The following ANO10 variants were observed in gnomAD, a reference collection of about 807,000 sequenced individuals.
ANO10 encodes the protein anoctamin 10.
In ANO10, 77 loss-of-function variants were observed where a neutral mutation model predicts 74.7. The ratio of observed to expected loss-of-function variants is 1.03; its 90% CI spans 0.86 to 1.25. ANO10 has a LOEUF of 1.25. Among genes scored for constraint, ANO10 ranks in the 50% most tolerant of loss-of-function variants. ANO10 has a pLI of 0.00. For synonymous variants in ANO10, 279 were observed against 284.9 expected (o/e 0.98, Z 0.21); for missense variants, 721 against 778.1 (o/e 0.93, Z 0.87).
intron 12 of ANO10, among the ~76,000 whole-genome samples, chr3:43,411,029 G>C (rs1227241093): frequency 1.3e-5 from 2 of 151,958 alleles, no homozygotes; most frequent in African/African-American, 4.8e-5. Flanking sequence ...AGAATGATAA[G>C]GTCCTTCCGC....
At chr3:43,433,292 G>A (rs562509884) in intron 11 of ANO10, among the ~76,000 whole-genome samples, 128 of 152,040 alleles carry the variant, frequency 8.4e-4, no homozygotes, top group Non-Finnish European at 1.6e-3. Flanking sequence ...AACTGATACC[G>A]TAAGGGTACC....
intron 4 of ANO10, among the ~76,000 whole-genome samples, chr3:43,593,232 A>G (rs1048212698): frequency 1.3e-5 from 2 of 152,246 alleles, no homozygotes; most frequent in Non-Finnish European, 2.9e-5. Flanking sequence ...AGGCAGGCCA[A>G]CATTCAAATA....
chr3:43,690,910 T>C lies in ANO10; in HGVS notation c.-12+607A>G, dbSNP rs887001013. 2.8e-6 allele frequency: 4 copies of C among 1,446,084 alleles called. No homozygotes were observed. The African/African-American group carries it at 4.4e-5, about 16-fold the overall frequency. 89.6% of individuals were successfully genotyped at this position (1,446,084 alleles called of 1,614,324 possible). A position where few individuals can be genotyped will look rare whatever the true frequency, so the allele number is the denominator to read the frequency against. On this transcript the variant is annotated intron_variant, in intron 1 of 3. Transcript: ENST00000413397. Reference sequence around the variant, plus strand: ...CATGCGCTGGCGGCCTGCGCCGCCTTAAGTGCCGCGCCAGCCCGGGGCGGC... The same window carrying C: ...CATGCGCTGGCGGCCTGCGCCGCCTCAAGTGCCGCGCCAGCCCGGGGCGGC...
chr3:43,404,420 A>G (rs2092538426), intron 12 of ANO10, among the ~76,000 whole-genome samples: 1 of 152,188 alleles, frequency 6.6e-6, no homozygotes, highest in African/African-American at 2.4e-5. Context: ...TCAGCCTCTG[A>G]TAAGACCAAA....
chr3:43,455,559 A>C (rs1185999196), intron 11 of ANO10, among the ~76,000 whole-genome samples: 2 of 152,056 alleles, frequency 1.3e-5, no homozygotes, highest in African/African-American at 4.8e-5. Flanking sequence ...AGGTACTGTA[A>C]ATCAACTAGT....
At chr3:43,657,265 T>C (rs1269656536) in intron 1 of ANO10, among the ~76,000 whole-genome samples, 1 of 152,216 alleles carries the variant, frequency 6.6e-6, no homozygotes, top group Non-Finnish European at 1.5e-5. Context: ...AACAACCTAC[T>C]AGTCTGAAGA....
At chr3:43,538,443 A>C (rs1440427761) in intron 11 of ANO10, among the ~76,000 whole-genome samples, 1 of 152,060 alleles carries the variant, frequency 6.6e-6, no homozygotes, top group African/African-American at 2.4e-5. Flanking sequence ...GAAATTCAGA[A>C]AAAATTTTTA....
At chr3:43,576,617 G>A (rs2081005628) in intron 6 of ANO10, 75 bp downstream of exon 6, 3 of 1,466,494 alleles carry the variant, frequency 2.0e-6, no homozygotes, top group African/African-American at 2.8e-5. Context: ...CAAGGTAGCA[G>A]CTATGTGAAT....
chr3:43,411,162 C>T (rs1274162452), intron 12 of ANO10, among the ~76,000 whole-genome samples: 1 of 150,678 alleles, frequency 6.6e-6, no homozygotes, highest in Non-Finnish European at 1.5e-5. Flanking sequence ...TGTAGTGACA[C>T]TGTGAGGAAC....
chr3:43,574,911 C>G (rs1272916097), intron 6 of ANO10, 47 bp from the exon 7 acceptor site: 2 of 1,524,104 alleles, frequency 1.3e-6, no homozygotes, highest in African/African-American at 2.7e-5. Flanking sequence ...GAAAACAATA[C>G]GAAAGCACTG....
At chr3:43,482,230 T>C (rs186526674) in intron 11 of ANO10, among the ~76,000 whole-genome samples, 12 of 152,192 alleles carry the variant, frequency 7.9e-5, no homozygotes, top group African/African-American at 1.4e-4. Flanking sequence ...CCCCAGCCAA[T>C]TGATGTCTTA....
chr3:43,460,038 G>T (rs1184024214), intron 11 of ANO10, among the ~76,000 whole-genome samples: 1 of 152,162 alleles, frequency 6.6e-6, no homozygotes, highest in Non-Finnish European at 1.5e-5. Context: ...CATTTGGAGA[G>T]ATCATCAAAA....
chr3:43,494,298 A>G (rs2076836352), intron 11 of ANO10, among the ~76,000 whole-genome samples: 1 of 152,094 alleles, frequency 6.6e-6, no homozygotes, highest in South Asian at 2.1e-4. Flanking sequence ...TACTACAAAT[A>G]CAACATTGGC....
chr3:43,671,039 T>C (rs925264939), intron 1 of ANO10, among the ~76,000 whole-genome samples: 5 of 152,172 alleles, frequency 3.3e-5, no homozygotes, highest in Non-Finnish European at 5.9e-5. Flanking sequence ...TGTATAATTG[T>C]TGGTAAGTAA....
At chr3:43,488,576 T>C (rs1249597714) in intron 11 of ANO10, among the ~76,000 whole-genome samples, 10 of 151,594 alleles carry the variant, frequency 6.6e-5, no homozygotes, top group African/African-American at 1.2e-4. Context: ...AAAATGCTCA[T>C]CATCACTGGC....
intron 12 of ANO10, among the ~76,000 whole-genome samples, chr3:43,391,863 C>A (rs2092281659): frequency 6.6e-6 from 1 of 152,124 alleles, no homozygotes; most frequent in Admixed American, 6.5e-5. Flanking sequence ...CTGAAGTAAG[C>A]CATGTGTAGA....
chr3:43,645,344 C>T (rs550154586), intron 1 of ANO10, among the ~76,000 whole-genome samples: 1 of 152,238 alleles, frequency 6.6e-6, no homozygotes, highest in African/African-American at 2.4e-5. Flanking sequence ...CAAAAATTAG[C>T]TAGGCATGGT....
intron 11 of ANO10, among the ~76,000 whole-genome samples, chr3:43,482,689 C>T (rs1362999391): frequency 2.6e-5 from 4 of 152,214 alleles, no homozygotes; most frequent in African/African-American, 7.2e-5. Context: ...GACTGTGTGA[C>T]CAAAAAGGCC....
chr3:43,533,327 G>A (rs1324895575), intron 11 of ANO10, among the ~76,000 whole-genome samples: 3 of 152,082 alleles, frequency 2.0e-5, no homozygotes, highest in East Asian at 1.9e-4. Flanking sequence ...ATCTCTCCTC[G>A]AAATAAATTA....
Sources: gnomAD v4.1 joint callset for allele counts (sites outside exome capture counted in the v4.1 genomes callset) on GRCh38, gnomAD v4.1.1 for gene constraint, MANE v1.5 for transcripts, NCBI Gene and HGNC (gene_info 2026-07-23, HGNC 2026-07-21) for gene names.